Variants in PPP1R12A observed in about 807,000 individuals in gnomAD.
The protein encoded by PPP1R12A is myosin binding subunit.
In PPP1R12A, 19 loss-of-function variants were observed where a neutral mutation model predicts 139.6. The ratio of observed to expected loss-of-function variants is 0.14; its 90% confidence interval spans 0.09 to 0.20. PPP1R12A has a LOEUF of 0.20. Ranked by LOEUF, PPP1R12A falls within the 10% of genes least tolerant of loss-of-function variation. The pLI is 1.00. For missense variants in PPP1R12A, 925 were observed against 1,211.5 expected, an observed-to-expected ratio of 0.76 and a Z score of 3.51; for synonymous variants, 427 against 420.6, an observed-to-expected ratio of 1.02 and a Z score of -0.19.
intron 11 of PPP1R12A, 124 bp downstream of exon 11, chr12:79,808,359 G>A: frequency 1.5e-6 from 1 of 658,538 alleles, no homozygotes; most frequent in Non-Finnish European, 2.5e-6. Flanking sequence ...TCTCCTTCAG[G>A]AATATCCTCC....
intron 2 of PPP1R12A, among the ~76,000 whole-genome samples, chr12:79,847,035 TA>T (rs1026789244): frequency 1.2e-4 from 18 of 152,218 alleles, no homozygotes; most frequent in Middle Eastern, 3.4e-3. Flanking sequence ...AATAGTTTTT[TA>T]AAAAAAGTAC....
rs187406067 is a variant in PPP1R12A, at chr12:79,912,188, T to C, written c.237+22507A>G. On this transcript the variant is annotated intron_variant, in intron 1 of 24. Transcript: ENST00000450142. ...CAAGTTACAACTACTGGTCTTTCAG[T>C]TCTCACTTCAATCATGACTTTCACA... 3.3e-3 allele frequency among the ~76,000 whole-genome samples: 507 copies of C among 152,302 alleles called. 4 individuals are homozygous for C. The highest frequency in any genetic ancestry group is 5.0e-3 in the Non-Finnish European group (338 of 68,018).
At chr12:79,846,594 TC>T (rs1455939569) in intron 2 of PPP1R12A, among the ~76,000 whole-genome samples, 27 of 148,236 alleles carry the variant, frequency 1.8e-4, no homozygotes, top group African/African-American at 6.7e-4. Context: ...TGCGCGTGGC[TC>T]ATTTTTTTTT....
In PPP1R12A at chr12:79,822,170, T is replaced by C. The variant is rs775373910; in HGVS notation, c.813A>G (p.Val271=). 31 of 1,591,270 alleles carry C rather than the reference T, an allele frequency of 1.9e-5. No homozygotes were observed. Among genetic ancestry groups the C allele is most frequent in the Non-Finnish European group, 2.4e-5 (28 of 1,166,704 alleles). The change falls in exon 6 of 25, where the codon GTA becomes GTG. Residue 271 remains valine, a synonymous_variant. Transcript: ENST00000450142. ...VNKVGQTAFD[V]ADEDILGYLE... ...AATATCCTAAAATGTCTTCATCTGC[T>C]ACATCAAAGGCTGTTTGGCCCTACG...
intron 1 of PPP1R12A, among the ~76,000 whole-genome samples, chr12:79,882,210 A>G (rs1461863005): frequency 1.3e-5 from 2 of 152,234 alleles, no homozygotes; most frequent in South Asian, 4.1e-4. Flanking sequence ...GTTGCCACAG[A>G]TAGTGATTCC....
At chr12:79,899,706 G>A (rs1249798960) in intron 1 of PPP1R12A, among the ~76,000 whole-genome samples, 3 of 152,088 alleles carry the variant, frequency 2.0e-5, no homozygotes, top group Admixed American at 1.3e-4. Context: ...TTCTTAGAAC[G>A]TATGTTTTCT....
intron 5 of PPP1R12A, among the ~76,000 whole-genome samples, chr12:79,826,138 G>A (rs932369291): frequency 1.3e-5 from 2 of 151,858 alleles, no homozygotes; most frequent in Admixed American, 6.6e-5. Flanking sequence ...ACGAAAAGAA[G>A]TTATAGAGGA....
At chr12:79,882,540 C>T (rs993675934) in intron 1 of PPP1R12A, among the ~76,000 whole-genome samples, 1 of 152,124 alleles carries the variant, frequency 6.6e-6, no homozygotes, top group Non-Finnish European at 1.5e-5. Context: ...CAAGTGGTTT[C>T]TTGAGAGGGA....
At chr12:79,821,827 T>G (rs1876147927) in intron 6 of PPP1R12A, among the ~76,000 whole-genome samples, 1 of 152,120 alleles carries the variant, frequency 6.6e-6, no homozygotes. Context: ...ATATGAGATT[T>G]TATAGATTCC....
rs142979982 is a variant in PPP1R12A at position 79,781,260 on chromosome 12, A to G, written c.2955+555T>C. 1.5e-4 allele frequency among the ~76,000 whole-genome samples: 23 copies of G among 152,298 alleles called. No homozygotes were observed. In the East Asian group the frequency reaches 4.0e-3, roughly 27 times the overall value. On this transcript the variant is annotated intron_variant, in intron 23 of 24. Coordinates refer to ENST00000450142, the MANE Select transcript of PPP1R12A (RefSeq NM_002480.3). ...TATTACAATCAATAAAAACTTGCAG[A>G]AAGACATCAAGTGGCATAAGGATTT...
chr12:79,799,904 GA>G (rs1404243167), intron 14 of PPP1R12A, among the ~76,000 whole-genome samples: 2 of 152,046 alleles, frequency 1.3e-5, no homozygotes, highest in Non-Finnish European at 2.9e-5. Context: ...AGTTACTCGG[GA>G]GGCTGAGATG....
In PPP1R12A at chr12:79,890,966, TTCTC is replaced by T. The variant is rs146177981; in HGVS notation, c.238-18032_238-18029del. 3.4e-3 allele frequency among the ~76,000 whole-genome samples: 412 copies of T among 122,030 alleles called. 1 individual carries two copies. The highest frequency in any genetic ancestry group is 0.01 in the African/African-American group (354 of 34,096). 80.1% of individuals were successfully genotyped at this position (122,030 alleles called of 152,430 possible). On this transcript the variant is annotated intron_variant, in intron 1 of 24. Coordinates refer to ENST00000450142, the MANE Select transcript of PPP1R12A (RefSeq NM_002480.3). The stretch of plus-strand genomic sequence containing the variant: ...ACATTCACTCACTCTCTCTCTCTCT[TTCTC>T]TCTCTCTCCAATTGAGAAAAAGGGG...
At chr12:79,919,288 G>A (rs942948425) in intron 1 of PPP1R12A, among the ~76,000 whole-genome samples, 2 of 151,924 alleles carry the variant, frequency 1.3e-5, no homozygotes, top group Non-Finnish European at 2.9e-5. Context: ...CGGGCGCGGT[G>A]GCTCACACCT....
intron 9 of PPP1R12A, 56 bp from the exon 10 acceptor site, chr12:79,810,066 C>A (rs113903458): frequency 1.5e-6 from 2 of 1,308,122 alleles, no homozygotes; most frequent in African/African-American, 3.0e-5. Flanking sequence ...GCTGATCAGT[C>A]CTTAAATTGG....
chr12:79,882,469 G>A (rs542826647), intron 1 of PPP1R12A, among the ~76,000 whole-genome samples: 1 of 152,306 alleles, frequency 6.6e-6, no homozygotes, highest in South Asian at 2.1e-4. Flanking sequence ...TGACTGAATT[G>A]CTGCAATCTC....
chr12:79,790,234 T>C (rs1298605753), intron 20 of PPP1R12A, among the ~76,000 whole-genome samples: 2 of 152,192 alleles, frequency 1.3e-5, no homozygotes, highest in African/African-American at 4.8e-5. Context: ...TTAAGAAACT[T>C]TGGAATACCT....
At chr12:79,932,669 C>G (rs1888338673) in intron 1 of PPP1R12A, among the ~76,000 whole-genome samples, 1 of 152,182 alleles carries the variant, frequency 6.6e-6, no homozygotes, top group African/African-American at 2.4e-5. Flanking sequence ...AAACTGACCA[C>G]TGAATTCAGT....
At chr12:79,782,607 G>A in intron 22 of PPP1R12A, 1 of 450,590 alleles carries the variant, frequency 2.2e-6, no homozygotes, top group Non-Finnish European at 4.4e-6. Flanking sequence ...TGGACATTAA[G>A]CACAGGCACA....
Position 79,790,399 on chromosome 12 carries a change from T to G in PPP1R12A, c.2666+68A>C, listed in dbSNP as rs1171877578. On this transcript the variant is annotated intron_variant, in intron 20 of 24. Coordinates refer to ENST00000450142, the MANE Select transcript of PPP1R12A (RefSeq NM_002480.3). ...TAAACTTACAAAATCCATAAATTCC[T>G]AGCAACACATTTTTAACAAAGATAA... 8 of 1,086,936 alleles carry G rather than the reference T, an allele frequency of 7.4e-6. No homozygotes were observed. The African/African-American group carries it at 1.3e-4, about 17-fold the overall frequency. The allele number at this position is 1,086,936 out of a possible 1,614,324, so 67.3% of individuals were successfully genotyped here. A position where few individuals can be genotyped will look rare whatever the true frequency, so the allele number is the denominator to read the frequency against.
Sources: gnomAD v4.1 joint callset for allele counts (sites outside exome capture counted in the v4.1 genomes callset) on GRCh38, gnomAD v4.1.1 for gene constraint, MANE v1.5 for transcripts, NCBI Gene and HGNC (gene_info 2026-07-23, HGNC 2026-07-21) for gene names.